TMC7: variants seen among roughly 807,000 people sequenced by gnomAD.
TMC7 encodes transmembrane channel-like protein 7.
In TMC7, 54 loss-of-function variants were observed where a neutral mutation model predicts 82.9. The ratio of observed to expected loss-of-function variants is 0.65; its 90% CI spans 0.52 to 0.82. The LOEUF is 0.82. Ranked by LOEUF, TMC7 falls within the 40% of genes least tolerant of loss-of-function variation. The pLI is 0.00. For missense variants in TMC7, 820 were observed against 901.2 expected (o/e 0.91, Z 1.15); for synonymous variants, 350 against 337.9 (o/e 1.04, Z -0.39).
intron 15 of TMC7, among the ~76,000 whole-genome samples, chr16:19,061,403 C>T (rs762987040): frequency 1.1e-4 from 17 of 152,196 alleles, no homozygotes; most frequent in Non-Finnish European, 1.9e-4. Flanking sequence ...CCTGCCTTGG[C>T]CTCCCAAAGT....
chr16:19,017,118 G>A (rs915338127), intron 3 of TMC7, among the ~76,000 whole-genome samples: 2 of 152,132 alleles, frequency 1.3e-5, no homozygotes, highest in African/African-American at 4.8e-5. Flanking sequence ...CTGGGAGGTG[G>A]ACGTTGCAGT....
chr16:19,044,044 AT>A (rs1431934274), intron 9 of TMC7, among the ~76,000 whole-genome samples: 1 of 150,970 alleles, frequency 6.6e-6, no homozygotes, highest in Non-Finnish European at 1.5e-5. Flanking sequence ...TAATTTTTGT[AT>A]TTTTGGTAGA....
intron 5 of TMC7, among the ~76,000 whole-genome samples, chr16:19,029,018 T>C (rs1960369746): frequency 6.6e-6 from 1 of 150,532 alleles, no homozygotes; most frequent in African/African-American, 2.4e-5. Context: ...TTTATTTATT[T>C]ATTTTGAGAC....
rs529007755 is a variant in TMC7, at chr16:19,030,442, G to C, written c.857+73G>C. ...GGCTATTGGAGATATGGGAGCTCTGGAAGCCATTGCCTAAAGGATGAGTGG... is the reference window on the plus strand; with the variant it reads ...GGCTATTGGAGATATGGGAGCTCTGCAAGCCATTGCCTAAAGGATGAGTGG... On this transcript the variant is annotated intron_variant, in intron 6 of 15. Coordinates refer to ENST00000304381, the MANE Select transcript of TMC7 (RefSeq NM_024847.4). 48 of 1,516,870 alleles carry C rather than the reference G, an allele frequency of 3.2e-5. No individual in the cohort carries two copies. In the African/African-American group the frequency reaches 6.4e-4, roughly 20 times the overall value. 94.0% of individuals were successfully genotyped at this position (1,516,870 alleles called of 1,614,324 possible). A position where few individuals can be genotyped will look rare whatever the true frequency, so the allele number is the denominator to read the frequency against.
intron 6 of TMC7, among the ~76,000 whole-genome samples, chr16:19,032,919 A>C (rs1216771318): frequency 2.0e-5 from 3 of 152,054 alleles, no homozygotes; most frequent in Admixed American, 6.6e-5. Context: ...GAGCCACCGC[A>C]CCCAGCCGAA....
intron 9 of TMC7, 69 bp from the exon 10 acceptor site, chr16:19,044,815 C>T: frequency 9.8e-7 from 1 of 1,019,286 alleles, no homozygotes; most frequent in East Asian, 2.4e-5. Context: ...CATTCCCTAG[C>T]CCCAGTTCCA....
intron 12 of TMC7, among the ~76,000 whole-genome samples, chr16:19,050,254 C>T (rs1961466157): frequency 6.6e-6 from 1 of 151,054 alleles, no homozygotes; most frequent in Non-Finnish European, 1.5e-5. Context: ...GCCTGTAGTC[C>T]CAGCTACTCG....
In TMC7 at chr16:18,984,063, C is replaced by G; in HGVS notation, c.-1C>G. 1 of 1,492,372 alleles carries G rather than the reference C, an allele frequency of 6.7e-7. No individual in the cohort carries two copies. The highest frequency in any genetic ancestry group is 8.9e-7 in the Non-Finnish European group (1 of 1,128,954). 92.4% of individuals were successfully genotyped at this position (1,492,372 alleles called of 1,614,324 possible). ...GCCTCTGAGGAGCGCGGGGCGCGGC[C>G]ATGAGCGAGTCCAGCGGCAGTGCGC... On this transcript the variant is annotated 5_prime_UTR_variant, in exon 1 of 16. Transcript: ENST00000304381.
At chr16:19,006,161 A>G (rs2039236649) in intron 1 of TMC7, among the ~76,000 whole-genome samples, 1 of 151,312 alleles carries the variant, frequency 6.6e-6, no homozygotes, top group African/African-American at 2.4e-5. Flanking sequence ...GCTGTGTAGC[A>G]AGTCCTGACC....
chr16:18,986,796 T>A (rs895602337), intron 1 of TMC7, among the ~76,000 whole-genome samples: 1 of 151,476 alleles, frequency 6.6e-6, no homozygotes, highest in Non-Finnish European at 1.5e-5. Context: ...TCGCCTGGAC[T>A]CCTCTTGGTT....
At chr16:19,017,139 C>T (rs564548709) in intron 3 of TMC7, among the ~76,000 whole-genome samples, 47 of 152,080 alleles carry the variant, frequency 3.1e-4, no homozygotes, top group African/African-American at 5.5e-4. Context: ...GAGCTGAGAC[C>T]GCACTATTGC....
intron 1 of TMC7, among the ~76,000 whole-genome samples, chr16:19,002,615 T>C (rs966925678): frequency 6.6e-6 from 1 of 152,146 alleles, no homozygotes; most frequent in Non-Finnish European, 1.5e-5. Context: ...AAGAATAGTA[T>C]ATGGCAGAAA....
intron 9 of TMC7, among the ~76,000 whole-genome samples, chr16:19,041,796 G>A (rs757970728): frequency 2.0e-5 from 3 of 152,152 alleles, no homozygotes; most frequent in African/African-American, 4.8e-5. Context: ...GTTCAAAGCT[G>A]AATCCAAACA....
chr16:19,039,405 G>A (rs1960908787), intron 8 of TMC7, among the ~76,000 whole-genome samples: 1 of 151,908 alleles, frequency 6.6e-6, no homozygotes, highest in African/African-American at 2.4e-5. Flanking sequence ...ATGGTCTTCT[G>A]TATGGTACAA....
In TMC7 at chr16:19,062,138, C is replaced by T. The variant is rs76062915; in HGVS notation, c.*295C>T. The T allele has an allele frequency of 2.1e-3, 669 of 321,330 alleles. 1 individual carries two copies. The highest frequency in any genetic ancestry group is 7.6e-3 in the East Asian group (143 of 18,886). The allele number at this position is 321,330 out of a possible 1,614,324, so 19.9% of individuals were successfully genotyped here. ...TTTTACAAGAATGAAAGAGCGGAGA[C>T]GGTAGTTTAGTATTTGAGCCACGAG... On this transcript the variant is annotated 3_prime_UTR_variant, in exon 16 of 16. Transcript: ENST00000304381.
chr16:19,009,667 C>T (rs2039302425), intron 2 of TMC7, among the ~76,000 whole-genome samples: 1 of 151,880 alleles, frequency 6.6e-6, no homozygotes, highest in South Asian at 2.1e-4. Context: ...AGGCCGGGCG[C>T]GGTGGCTCAC....
At chr16:19,001,004 T>A (rs1362520926) in intron 1 of TMC7, among the ~76,000 whole-genome samples, 8 of 152,080 alleles carry the variant, frequency 5.3e-5, no homozygotes, top group Non-Finnish European at 1.2e-4. Flanking sequence ...CAGAGTGAGA[T>A]CCTGTCTCAA....
chr16:19,002,990 C>T (rs1047526475), intron 1 of TMC7, among the ~76,000 whole-genome samples: 1 of 152,216 alleles, frequency 6.6e-6, no homozygotes, highest in Non-Finnish European at 1.5e-5. Flanking sequence ...TCTTGACACT[C>T]AAGTCTTGGG....
chr16:19,007,069 C>T (rs1319613974), intron 1 of TMC7, among the ~76,000 whole-genome samples: 2 of 151,938 alleles, frequency 1.3e-5, no homozygotes, highest in African/African-American at 4.8e-5. Context: ...AGGTGATCCG[C>T]CTGCCTCGGC....
Sources: gnomAD v4.1 joint callset for allele counts (sites outside exome capture counted in the v4.1 genomes callset) on GRCh38, gnomAD v4.1.1 for gene constraint, MANE v1.5 for transcripts, NCBI Gene and HGNC (gene_info 2026-07-23, HGNC 2026-07-21) for gene names.